ROBO1: variants seen among roughly 807,000 people sequenced by gnomAD.
ROBO1 encodes roundabout homolog 1.
ROBO1 carries 149 observed loss-of-function variants against 195.9 expected under a neutral mutation model. The ratio of observed to expected loss-of-function variants is 0.76; its 90% CI spans 0.67 to 0.87. ROBO1 has a LOEUF of 0.87. ROBO1 is among the 40% of genes least tolerant of loss of function. The pLI, the probability that ROBO1 is intolerant of heterozygous loss-of-function variation, is 0.00. For synonymous variants in ROBO1, 816 were observed against 733.2 expected, an observed-to-expected ratio of 1.11 and a Z score of -1.82; for missense variants, 1,933 against 2,068.3, an observed-to-expected ratio of 0.93 and a Z score of 1.27.
At chr3:78,767,206 T>G (rs188078367) in intron 4 of ROBO1, among the ~76,000 whole-genome samples, 63 of 152,262 alleles carry the variant, frequency 4.1e-4, no homozygotes, top group African/African-American at 1.5e-3. Flanking sequence ...CCAATTCTTC[T>G]TTAAATGTCT....
chr3:79,513,671 T>C (rs1044423950), intron 2 of ROBO1, among the ~76,000 whole-genome samples: 6 of 149,818 alleles, frequency 4.0e-5, no homozygotes, highest in African/African-American at 1.5e-4. Context: ...AGCATTTACA[T>C]TGAAGAAAAG....
At chr3:78,779,997 A>C (rs867279398) in intron 4 of ROBO1, among the ~76,000 whole-genome samples, 1 of 152,124 alleles carries the variant, frequency 6.6e-6, no homozygotes, top group Admixed American at 6.5e-5. Context: ...CAGCAAACTA[A>C]CACAGGAACG....
At chr3:78,885,823 T>A (rs2036525874) in intron 4 of ROBO1, among the ~76,000 whole-genome samples, 1 of 148,980 alleles carries the variant, frequency 6.7e-6, no homozygotes. Context: ...TTTAGAAAAA[T>A]TATGTTCATA....
intron 1 of ROBO1, among the ~76,000 whole-genome samples, chr3:79,746,728 A>G (rs1215655399): frequency 1.3e-5 from 2 of 152,064 alleles, no homozygotes; most frequent in African/African-American, 4.8e-5. Flanking sequence ...TATGTCACAA[A>G]TAAATCAAAA....
intron 3 of ROBO1, among the ~76,000 whole-genome samples, chr3:78,957,743 G>A (rs1051833077): frequency 3.3e-5 from 5 of 152,102 alleles, no homozygotes; most frequent in Non-Finnish European, 7.4e-5. Context: ...CTCTTTAGGA[G>A]GCAAATAGAC....
At chr3:79,554,322 T>G (rs541612386) in intron 2 of ROBO1, among the ~76,000 whole-genome samples, 1 of 152,154 alleles carries the variant, frequency 6.6e-6, no homozygotes, top group East Asian at 1.9e-4. Flanking sequence ...GTAAAAAGTG[T>G]AATTCTTTCT....
intron 3 of ROBO1, among the ~76,000 whole-genome samples, chr3:78,966,314 C>T (rs9832632): frequency 0.15 from 23,019 of 152,168 alleles, 2,638 homozygotes; most frequent in African/African-American, 0.33. Context: ...TGAAAATAAA[C>T]GCAATGGGGG....
At chr3:79,048,374 A>T (rs1451618200) in intron 3 of ROBO1, among the ~76,000 whole-genome samples, 1 of 152,010 alleles carries the variant, frequency 6.6e-6, no homozygotes, top group Non-Finnish European at 1.5e-5. Flanking sequence ...CCATAACATC[A>T]ATTCAAGAAT....
chr3:78,749,922 G>A (rs1388180708), intron 4 of ROBO1, among the ~76,000 whole-genome samples: 2 of 152,108 alleles, frequency 1.3e-5, no homozygotes, highest in Non-Finnish European at 2.9e-5. Flanking sequence ...AATTTGAAAA[G>A]AGCAAGTAGC....
chr3:79,205,164 T>C (rs548661212), intron 2 of ROBO1, among the ~76,000 whole-genome samples: 7 of 152,176 alleles, frequency 4.6e-5, no homozygotes, highest in South Asian at 2.1e-4. Flanking sequence ...GGTTAATTTT[T>C]TCTATTTTTA....
chr3:78,729,821 G>A (rs2082247226), intron 5 of ROBO1, among the ~76,000 whole-genome samples: 1 of 152,216 alleles, frequency 6.6e-6, no homozygotes, highest in Non-Finnish European at 1.5e-5. Context: ...TTACATGGTA[G>A]CATTCAGCCT....
chr3:79,361,794 T>G (rs147594317), intron 2 of ROBO1, among the ~76,000 whole-genome samples: 22 of 152,220 alleles, frequency 1.4e-4, no homozygotes, highest in African/African-American at 4.8e-4. Context: ...TTACCTTACT[T>G]TTTTATTCAA....
In ROBO1 at chr3:78,688,708, A is replaced by G. The variant is rs931555961; in HGVS notation, c.1110T>C (p.Phe370=). 1.2e-6 allele frequency: 2 copies of G among 1,609,410 alleles called. No homozygotes were observed. Among genetic ancestry groups the G allele is most frequent in the African/African-American group, 2.7e-5 (2 of 74,974 alleles). The change falls in exon 9 of 31, where the codon TTT becomes TTC. Residue 370 remains phenylalanine, a synonymous_variant. Transcript: ENST00000464233. ...GAGGATTTCCGGTTGCTTCACACTG[A>G]AAAGTTACAGTCCGTCCCAAAGCAA... ...QVVALGRTVT[F]QCEATGNPQP...
chr3:79,280,756 C>G (rs1017721900), intron 2 of ROBO1, among the ~76,000 whole-genome samples: 1 of 152,122 alleles, frequency 6.6e-6, no homozygotes, highest in Non-Finnish European at 1.5e-5. Flanking sequence ...ATTCGATTGA[C>G]CTCAGATCAT....
intron 3 of ROBO1, among the ~76,000 whole-genome samples, chr3:79,117,692 C>A (rs1458840944): frequency 1.3e-5 from 2 of 152,148 alleles, no homozygotes; most frequent in Non-Finnish European, 2.9e-5. Flanking sequence ...TAAATAGTTT[C>A]TTTCAAGCAA....
intron 2 of ROBO1, among the ~76,000 whole-genome samples, chr3:79,481,169 C>T (rs966165155): frequency 6.6e-6 from 1 of 151,970 alleles, no homozygotes; most frequent in Non-Finnish European, 1.5e-5. Flanking sequence ...TGCCTTGCAA[C>T]GAAAATGCCA....
In ROBO1 at chr3:79,015,773, G is replaced by C. The variant is rs78531385; in HGVS notation, c.173-76846C>G. On this transcript the variant is annotated intron_variant, in intron 3 of 30. Transcript: ENST00000464233. ...GTAGCATCAAGTTAATAGATAAAAG[G>C]CTATGAGAAGTGAACACTCTTAAGC... Among the ~76,000 whole-genome samples, 450 of 152,248 alleles carry C rather than the reference G, an allele frequency of 3.0e-3. 3 individuals carry two copies. Among genetic ancestry groups the C allele is most frequent in the African/African-American group, 0.01 (427 of 41,536 alleles).
chr3:79,692,751 T>C (rs1169893080), intron 1 of ROBO1, among the ~76,000 whole-genome samples: 1 of 151,830 alleles, frequency 6.6e-6, no homozygotes, highest in African/African-American at 2.4e-5. Context: ...TTGTATATCA[T>C]ATGACTATCA....
intron 3 of ROBO1, chr3:79,018,803 C>G: frequency 2.9e-6 from 3 of 1,049,484 alleles, no homozygotes; most frequent in Non-Finnish European, 3.5e-6. Context: ...CGGAGCCTCC[C>G]GGCGTGCGCC....
Sources: allele counts gnomAD v4.1 joint callset (sites outside exome capture counted in the v4.1 genomes callset), GRCh38; gene constraint gnomAD v4.1.1; transcripts MANE v1.5; gene names NCBI Gene and HGNC (gene_info 2026-07-23, HGNC 2026-07-21).